Variants in SNED1 observed in about 807,000 individuals in gnomAD.
SNED1 encodes the protein sushi, nidogen and EGF like domains 1.
SNED1 carries 81 observed loss-of-function variants against 166.7 expected under a neutral mutation model. The ratio of observed to expected loss-of-function variants is 0.49; its 90% CI spans 0.41 to 0.58. SNED1 has a LOEUF of 0.58. Ranked by LOEUF, SNED1 falls within the 20% of genes least tolerant of loss-of-function variation. The probability of loss-of-function intolerance (pLI) is 0.00; values close to 1 mark genes in which losing one functional copy is unlikely to be tolerated. For missense variants in SNED1, 1,604 were observed against 2,000.2 expected, an observed-to-expected ratio of 0.80 and a Z score of 3.78; for synonymous variants, 762 against 822.0, an observed-to-expected ratio of 0.93 and a Z score of 1.25.
rs781163099 is a variant in SNED1, at chr2:241,049,153, G to A, written c.1618+18G>A. 6.9e-6 allele frequency: 11 copies of A among 1,595,358 alleles called. No homozygotes were observed. The highest frequency in any genetic ancestry group is 1.7e-4 in the Middle Eastern group (1 of 6,038). On this transcript the variant is annotated intron_variant, in intron 11 of 31. Coordinates refer to ENST00000310397, the MANE Select transcript of SNED1 (RefSeq NM_001080437.3). The stretch of plus-strand genomic sequence containing the variant: ...CAGCCACTGTGAGTAGCTCGGGGAC[G>A]AGCCTGCTGGGCCGGGGGCCCGGAC...
intron 1 of SNED1, among the ~76,000 whole-genome samples, chr2:241,007,106 C>T (rs975776292): frequency 6.6e-6 from 1 of 152,194 alleles, no homozygotes; most frequent in Non-Finnish European, 1.5e-5. Context: ...GTATTGATAG[C>T]TTTGCATCAG....
chr2:241,063,194 G>T lies in SNED1; in HGVS notation c.2371+290G>T, dbSNP rs954698250. ...TCACAGTCTCTGACACCTGGTCGGT[G>T]CTTCCAGCCAGTGGAGGGAGGGGAG... On this transcript the variant is annotated intron_variant, in intron 17 of 31. Coordinates refer to ENST00000310397, the MANE Select transcript of SNED1 (RefSeq NM_001080437.3). 5.9e-5 allele frequency among the ~76,000 whole-genome samples: 9 copies of T among 152,228 alleles called. 1 individual carries two copies. The highest frequency in any genetic ancestry group is 4.1e-4 in the South Asian group (2 of 4,838).
rs1307253746 is a variant in SNED1 at position 241,068,474 on chromosome 2, C to G, written c.3195-437C>G. On this transcript the variant is annotated intron_variant, in intron 22 of 31. Transcript: ENST00000310397. This position sits in a 1 kb window ranked among gnomAD's most constrained non-coding sequence, Gnocchi z 5.3. ...CGCAGGCAGGGGTGCAGGAAAAGATCGGAGAGCGAGTGGGAAGGAAGACTC... is the reference window on the plus strand; with the variant it reads ...CGCAGGCAGGGGTGCAGGAAAAGATGGGAGAGCGAGTGGGAAGGAAGACTC... 6.6e-6 allele frequency among the ~76,000 whole-genome samples: 1 copy of G among 152,062 alleles called. No homozygotes were observed. Among genetic ancestry groups the G allele is most frequent in the Non-Finnish European group, 1.5e-5 (1 of 68,006 alleles).
Position 241,073,311 on chromosome 2 carries a change from A to C in SNED1, c.3863A>C (p.Lys1288Thr), listed in dbSNP as rs764799103. The change falls in exon 27 of 32, where the codon AAG (lysine) becomes ACG (threonine). Residue 1288 changes from lysine to threonine, a missense_variant. By Grantham distance (78) the Lys-to-Thr change is moderately conservative (BLOSUM62 -1). Transcript: ENST00000310397. This position sits in a 1 kb window ranked among gnomAD's most constrained non-coding sequence, Gnocchi z 6.6. ...AQLENMEEAPKRVSLALQLPE... is the reference protein window; with the variant it reads ...AQLENMEEAPTRVSLALQLPE... ...CTCGAGAACATGGAGGAAGCCCCCA[A>C]GCGGGTCAGCCTGGCCCTCCAGCTC... 1 of 1,573,572 alleles carries C rather than the reference A, an allele frequency of 6.4e-7. No individual in the cohort carries two copies. The highest frequency in any genetic ancestry group is 1.9e-5 in the Admixed American group (1 of 53,194).
intron 6 of SNED1, 94 bp downstream of exon 6, chr2:241,037,447 A>G: frequency 1.2e-6 from 1 of 857,258 alleles, no homozygotes; most frequent in Non-Finnish European, 1.9e-6. Flanking sequence ...AAGGTCCAGC[A>G]GCTGTGCATG....
intron 26 of SNED1, chr2:241,072,753 G>T: frequency 5.2e-6 from 1 of 190,810 alleles, no homozygotes; most frequent in Non-Finnish European, 1.1e-5. Flanking sequence ...TACAGAGGGG[G>T]GCCCGTTGTA....
At chr2:241,037,703 C>T (rs1388241030) in intron 6 of SNED1, among the ~76,000 whole-genome samples, 2 of 152,208 alleles carry the variant, frequency 1.3e-5, no homozygotes, top group Admixed American at 6.5e-5. Flanking sequence ...GTGGTGGGGC[C>T]GTCAGACCCC....
At chr2:241,043,970 A>G (rs1254279059) in intron 8 of SNED1, among the ~76,000 whole-genome samples, 1 of 152,274 alleles carries the variant, frequency 6.6e-6, no homozygotes, top group East Asian at 1.9e-4. Flanking sequence ...AGGTCCCTAT[A>G]TTACATAAAG....
At chr2:241,066,863 C>T (rs1057135344) in intron 21 of SNED1, among the ~76,000 whole-genome samples, 1 of 152,196 alleles carries the variant, frequency 6.6e-6, no homozygotes, top group Non-Finnish European at 1.5e-5. Flanking sequence ...CTTGAGCCCA[C>T]CCAGAGGCCC....
intron 1 of SNED1, among the ~76,000 whole-genome samples, chr2:241,028,715 A>C (rs1221384917): frequency 1.3e-5 from 2 of 152,172 alleles, no homozygotes; most frequent in Non-Finnish European, 2.9e-5. Flanking sequence ...TGGAAGTGTA[A>C]GTCCTCCAAT....
At chr2:241,082,402 C>A in intron 29 of SNED1, 38 bp downstream of exon 29, 1 of 1,534,522 alleles carries the variant, frequency 6.5e-7, no homozygotes, top group South Asian at 1.1e-5. Flanking sequence ...CCGCATTTGT[C>A]GTGTGTTCTT....
intron 1 of SNED1, among the ~76,000 whole-genome samples, chr2:241,006,822 T>A (rs2060233627): frequency 6.6e-6 from 1 of 152,132 alleles, no homozygotes; most frequent in Non-Finnish European, 1.5e-5. Flanking sequence ...CCAGGGTGCC[T>A]TGGAGATCCT....
chr2:241,065,957 G>T (rs139892947), intron 21 of SNED1, among the ~76,000 whole-genome samples: 8 of 152,274 alleles, frequency 5.3e-5, no homozygotes, highest in Non-Finnish European at 7.4e-5. Context: ...GTGGGCTTGG[G>T]GGGGCTGGGA....
rs77916224 is a variant in SNED1, at chr2:241,073,510, G to C, written c.3916+146G>C. The C allele has an allele frequency of 5.1e-3, 3,584 of 705,924 alleles. 98 individuals carry two copies. The African/African-American group carries it at 0.054, about 11-fold the overall frequency. The allele number at this position is 705,924 out of a possible 1,614,324, so 43.7% of individuals were successfully genotyped here. ...GGGAGGCTGAGCACCAGGCACCCCG[G>C]TGTGGGAAGATGGGGTGAAGCTACA... On this transcript the variant is annotated intron_variant, in intron 27 of 31. Transcript: ENST00000310397. The surrounding 1 kb of genome is among the most constrained non-coding windows in gnomAD (Gnocchi z 6.6).
chr2:240,999,626 G>T lies in SNED1; in HGVS notation c.213+576G>T, dbSNP rs1404482084. ...CTTGCCCCTCCCTGCCGTCCTCTCC[G>T]CAGTCTGGGGGCTGGCCGCTCAGGC... On this transcript the variant is annotated intron_variant, in intron 1 of 31. Transcript: ENST00000310397. This position sits in a 1 kb window ranked among gnomAD's most constrained non-coding sequence, Gnocchi z 5.8. Among the ~76,000 whole-genome samples the T allele has an allele frequency of 6.6e-6, 1 of 152,150 alleles. No homozygotes were observed. Among genetic ancestry groups the T allele is most frequent in the African/African-American group, 2.4e-5 (1 of 41,438 alleles).
rs115643503 is a variant in SNED1, at chr2:241,040,206, G to A, written c.1159+18G>A. 133 of 1,578,442 alleles carry A rather than the reference G, an allele frequency of 8.4e-5. No individual in the cohort carries two copies. Among genetic ancestry groups the A allele is most frequent in the Admixed American group, 1.3e-4 (7 of 54,722 alleles). On this transcript the variant is annotated intron_variant, in intron 7 of 31. Coordinates refer to ENST00000310397, the MANE Select transcript of SNED1 (RefSeq NM_001080437.3). ...CGAGATGGGTGAGTGGCCTGGCTTC[G>A]GATTGGAGAGGGGCTCCTGCCCGTG...
At position 241,030,487 on chromosome 2, in the gene SNED1, C is replaced by T. The variant is rs769755879; in HGVS notation, c.417C>T (p.Pro139=). The change falls in exon 2 of 32, where the codon CCC becomes CCT. Residue 139 remains proline (P), a synonymous_variant. Coordinates refer to ENST00000310397, the MANE Select transcript of SNED1 (RefSeq NM_001080437.3). ...CGGAGGACGTCAGGCACTACTTCCC[C>T]GAGCTCCTGGACTTCAATGCCACCT... ...RATEDVRHYF[P]ELLDFNATWV... is the part of the protein sequence containing the mutation. The T allele has an allele frequency of 6.2e-6, 10 of 1,613,818 alleles. No individual in the cohort carries two copies. Among genetic ancestry groups the T allele is most frequent in the South Asian group, 3.3e-5 (3 of 91,084 alleles).
chr2:241,054,971 G>C (rs1022698849), intron 16 of SNED1, among the ~76,000 whole-genome samples: 1 of 152,122 alleles, frequency 6.6e-6, no homozygotes, highest in Non-Finnish European at 1.5e-5. Flanking sequence ...ACAAAAACTA[G>C]CCGGGTGTGG....
chr2:241,090,358 T>A, intron 31 of SNED1: 2 of 1,550,288 alleles, frequency 1.3e-6, no homozygotes, highest in Non-Finnish European at 1.7e-6. Context: ...CCACCTCCTG[T>A]GACAATGATG....
Sources: allele counts gnomAD v4.1 joint callset (sites outside exome capture counted in the v4.1 genomes callset), GRCh38; gene constraint gnomAD v4.1.1; non-coding constraint Gnocchi (gnomAD v3.1); transcripts MANE v1.5; gene names NCBI Gene and HGNC (gene_info 2026-07-23, HGNC 2026-07-21).